Variants in MME observed in about 807,000 individuals in gnomAD.
The protein encoded by MME is membrane metalloendopeptidase, also known as neprilysin.
In MME, 98 loss-of-function variants were observed where a neutral mutation model predicts 113.2. The observed-to-expected ratio is 0.87, with a 90% CI of 0.74 to 1.02. MME has a LOEUF of 1.02. Among genes scored for constraint, MME ranks in the 50% least tolerant of loss-of-function variants. The pLI is 0.00. For missense variants in MME, 836 were observed against 896.0 expected, an observed-to-expected ratio of 0.93 and a Z score of 0.86; for synonymous variants, 292 against 300.6, an observed-to-expected ratio of 0.97 and a Z score of 0.30.
intron 3 of MME, among the ~76,000 whole-genome samples, chr3:155,109,149 G>A (rs1015950114): frequency 6.6e-6 from 1 of 152,128 alleles, no homozygotes; most frequent in Admixed American, 6.5e-5. Flanking sequence ...TATAGTTTTT[G>A]CTATTATAAT....
chr3:155,111,480 A>G (rs1261239217), intron 3 of MME, among the ~76,000 whole-genome samples: 1 of 152,132 alleles, frequency 6.6e-6, no homozygotes, highest in Non-Finnish European at 1.5e-5. Flanking sequence ...ACTGAATGTT[A>G]TTTCTTTGGT....
Position 155,172,543 on chromosome 3 carries a change from G to A in MME, c.2084G>A (p.Cys695Tyr), listed in dbSNP as rs1222292556. ...TCCTATTCCTATCTCTAGGTGTGGTGTGGAACCTATAGGCCAGAGTATGCG... is the reference window on the plus strand; with the variant it reads ...TCCTATTCCTATCTCTAGGTGTGGTATGGAACCTATAGGCCAGAGTATGCG... ...LFFLNFAQVW[C>Y]GTYRPEYAVN... The change falls in exon 22 of 23, where the codon TGT (cysteine) becomes TAT (tyrosine). Residue 695 changes from cysteine (C) to tyrosine (Y), a missense_variant. Coordinates refer to ENST00000360490, the MANE Select transcript of MME (RefSeq NM_007289.4). 5 of 1,611,476 alleles carry A rather than the reference G, an allele frequency of 3.1e-6. No homozygotes were observed. The highest frequency in any genetic ancestry group is 4.2e-6 in the Non-Finnish European group (5 of 1,177,922).
At chr3:155,121,629 G>T (rs1719144752) in intron 8 of MME, among the ~76,000 whole-genome samples, 1 of 98,144 alleles carries the variant, frequency 1.0e-5, no homozygotes, top group Non-Finnish European at 2.1e-5. Context: ...AGCATGAAGG[G>T]TTGTTGAATT....
chr3:155,126,069 A>G (rs182720444), intron 8 of MME, among the ~76,000 whole-genome samples: 2 of 152,314 alleles, frequency 1.3e-5, no homozygotes, highest in African/African-American at 4.8e-5. Flanking sequence ...ACAACACTGA[A>G]ATGAAGAAAA....
chr3:155,114,715 G>A (rs1718455600), intron 3 of MME, among the ~76,000 whole-genome samples: 1 of 152,144 alleles, frequency 6.6e-6, no homozygotes, highest in South Asian at 2.1e-4. Flanking sequence ...ATAGGAACTA[G>A]CCAGAAACTT....
chr3:155,077,723 G>A (rs989629386), upstream of MME, among the ~76,000 whole-genome samples: 11 of 150,490 alleles, frequency 7.3e-5, no homozygotes, highest in African/African-American at 2.2e-4. Flanking sequence ...AAAAAAAAAC[G>A]AACAACAGCA....
chr3:155,140,780 A>G (rs1331660023), intron 10 of MME, among the ~76,000 whole-genome samples: 1 of 152,010 alleles, frequency 6.6e-6, no homozygotes, highest in African/African-American at 2.4e-5. Context: ...AAATACTAAA[A>G]CTGAAAATCT....
upstream of MME, among the ~76,000 whole-genome samples, chr3:155,079,289 G>C (rs1327011083): frequency 6.6e-6 from 1 of 152,104 alleles, no homozygotes; most frequent in Non-Finnish European, 1.5e-5. Flanking sequence ...GAGCGGGAAA[G>C]AGAGCGAAAG....
intron 7 of MME, among the ~76,000 whole-genome samples, chr3:155,117,517 T>A (rs1807003): frequency 0.29 from 43,524 of 151,630 alleles, 6,485 homozygotes; most frequent in African/African-American, 0.32. Context: ...TTGATTTAGG[T>A]GTCACCTAAG....
At chr3:155,090,216 T>C (rs1039327372) in intron 3 of MME, 3 of 152,428 alleles carry the variant, frequency 2.0e-5, no homozygotes, top group Non-Finnish European at 4.4e-5. Flanking sequence ...TCCACTCCTT[T>C]TATTTTAATT....
At chr3:155,137,223 C>T (rs1720702711) in intron 8 of MME, among the ~76,000 whole-genome samples, 1 of 152,080 alleles carries the variant, frequency 6.6e-6, no homozygotes, top group Admixed American at 6.6e-5. Context: ...GTAACAGGAG[C>T]TATTTATGGA....
chr3:155,084,137 T>G (rs1012149293), intron 1 of MME, 21 bp from the exon 2 acceptor site: 2 of 1,579,330 alleles, frequency 1.3e-6, no homozygotes, highest in African/African-American at 2.7e-5. Flanking sequence ...TTTTCATTAT[T>G]AGTATTTTCA....
chr3:155,167,507 TG>T (rs1723193218), intron 18 of MME, among the ~76,000 whole-genome samples: 1 of 151,980 alleles, frequency 6.6e-6, no homozygotes, highest in Non-Finnish European at 1.5e-5. Flanking sequence ...GGCACTTAAA[TG>T]CCACCCTAAA....
intron 17 of MME, among the ~76,000 whole-genome samples, chr3:155,165,165 T>A (rs1723004171): frequency 6.6e-6 from 1 of 152,172 alleles, no homozygotes; most frequent in South Asian, 2.1e-4. Flanking sequence ...AAGTAACGTT[T>A]CAGTTATTCA....
At chr3:155,098,207 A>G (rs149393955) in intron 3 of MME, among the ~76,000 whole-genome samples, 132 of 152,266 alleles carry the variant, frequency 8.7e-4, no homozygotes, top group African/African-American at 3.0e-3. Flanking sequence ...GGTTTCAGGG[A>G]TGGCACCACA....
chr3:155,125,654 T>G (rs1454322078), intron 8 of MME, among the ~76,000 whole-genome samples: 1 of 151,606 alleles, frequency 6.6e-6, no homozygotes, highest in Non-Finnish European at 1.5e-5. Context: ...AGAGACGGGG[T>G]TTCACCATTT....
At chr3:155,131,197 A>G (rs1034821039) in intron 8 of MME, among the ~76,000 whole-genome samples, 1 of 152,208 alleles carries the variant, frequency 6.6e-6, no homozygotes, top group African/African-American at 2.4e-5. Flanking sequence ...CATGTGAAAG[A>G]TAACGATGGA....
chr3:155,041,182 C>A (rs1161146868), intron 1 of MME, among the ~76,000 whole-genome samples: 1 of 152,110 alleles, frequency 6.6e-6, no homozygotes, highest in Admixed American at 6.6e-5. Context: ...TTCTCTTTGT[C>A]TCTATAATCA....
chr3:155,093,043 C>T (rs1716426329), intron 3 of MME, among the ~76,000 whole-genome samples: 1 of 134,194 alleles, frequency 7.5e-6, no homozygotes, highest in African/African-American at 2.6e-5. Context: ...ATTAATAACC[C>T]AAAGCCGTTA....
Sources: allele counts gnomAD v4.1 joint callset (sites outside exome capture counted in the v4.1 genomes callset), GRCh38; gene constraint gnomAD v4.1.1; transcripts MANE v1.5; gene names NCBI Gene and HGNC (gene_info 2026-07-23, HGNC 2026-07-21).